ZNF831: variants seen among roughly 807,000 people sequenced by gnomAD.
ZNF831 encodes the protein zinc finger protein 831, also known as chromosome 20 open reading frame 174.
ZNF831 carries 59 observed loss-of-function variants against 95.8 expected under a neutral mutation model. The ratio of observed to expected loss-of-function variants is 0.62; its 90% CI spans 0.50 to 0.77. The LOEUF is 0.77. Ranked by LOEUF, ZNF831 falls within the 30% of genes least tolerant of loss-of-function variation. ZNF831 has a pLI of 0.00. For synonymous variants in ZNF831, 961 were observed against 925.5 expected (o/e 1.04, Z -0.70); for missense variants, 2,205 against 2,164.0 (o/e 1.02, Z -0.38).
At position 59,217,025 on chromosome 20, in the gene ZNF831, T is replaced by A. The variant is rs905192269; in HGVS notation, c.4027+9969T>A. On this transcript the variant is annotated intron_variant, in intron 4 of 5. Transcript: ENST00000371030. The surrounding 1 kb of genome is among the most constrained non-coding windows in gnomAD (Gnocchi z 4.4). ...AATTATTAGTTTTTAATTACACGTG[T>A]AATCATGAATAATACTTAACACATA... 6.6e-6 allele frequency among the ~76,000 whole-genome samples: 1 copy of A among 151,994 alleles called. No individual in the cohort carries two copies. The highest frequency in any genetic ancestry group is 1.5e-5 in the Non-Finnish European group (1 of 67,996).
chr20:59,205,730 G>A (rs1022795832), intron 3 of ZNF831, among the ~76,000 whole-genome samples: 2 of 152,148 alleles, frequency 1.3e-5, no homozygotes, highest in African/African-American at 2.4e-5. Flanking sequence ...TAAAGGGAAG[G>A]GATTACTTGT....
rs369340093 is a variant in ZNF831 at position 59,194,515 on chromosome 20, A to C, written c.3496A>C (p.Ser1166Arg). Residue 1166 changes from serine to arginine, a missense_variant, in exon 2 of 6, where the codon AGT (serine) becomes CGT (arginine). Transcript: ENST00000371030. ...SGTSRSHSTRSPHSTQNPFPS... is the reference protein window; with the variant it reads ...SGTSRSHSTRRPHSTQNPFPS... ...GACGTCCCGGAGCCACAGCACCCGC[A>C]GTCCCCACAGCACCCAAAACCCCTT... is the stretch of plus-strand genomic sequence containing the variant. 6.2e-7 allele frequency: 1 copy of C among 1,609,136 alleles called. No homozygotes were observed. The highest frequency in any genetic ancestry group is 1.1e-5 in the South Asian group (1 of 90,212).
At chr20:59,181,507 T>C (rs528939290) in intron 1 of ZNF831, among the ~76,000 whole-genome samples, 87 of 152,188 alleles carry the variant, frequency 5.7e-4, no homozygotes, top group Admixed American at 1.0e-3. Context: ...TGGTTTTGGG[T>C]TTTACATTTA....
At chr20:59,227,364 G>T (rs1210799653) in intron 4 of ZNF831, among the ~76,000 whole-genome samples, 1 of 152,178 alleles carries the variant, frequency 6.6e-6, no homozygotes, top group African/African-American at 2.4e-5. Context: ...AGACATATCT[G>T]CTCCTTAGTG....
rs550531914 is a variant in ZNF831 at position 59,253,145 on chromosome 20, A to C, written c.4188+7A>C. On this transcript the variant is annotated splice_region_variant and intron_variant, in intron 5 of 5. Transcript: ENST00000371030. ...GGACAAACGAACTGTGAAGGTGGGC[A>C]TGATGATTTTGAGCTGCCTCTACCT... 4.3e-6 allele frequency: 7 copies of C among 1,613,912 alleles called. No homozygotes were observed. In the South Asian group the frequency reaches 5.5e-5, roughly 13 times the overall value.
Position 59,194,182 on chromosome 20 carries a change from C to A in ZNF831, c.3163C>A (p.Pro1055Thr), listed in dbSNP as rs1415447605. ...PGAPREATSSPPTPTCEAHLV... is the reference protein window; with the variant it reads ...PGAPREATSSTPTPTCEAHLV... ...GGCTCCCAGGGAGGCTACCTCCTCC[C>A]CGCCCACTCCAACGTGTGAGGCACA... The change falls in exon 2 of 6, where the codon CCG becomes ACG. Residue 1055 changes from proline to threonine, a missense_variant. Coordinates refer to ENST00000371030, the MANE Select transcript of ZNF831 (RefSeq NM_178457.3). The A allele has an allele frequency of 6.3e-7, 1 of 1,599,840 alleles. No individual in the cohort carries two copies. Among genetic ancestry groups the A allele is most frequent in the Non-Finnish European group, 8.5e-7 (1 of 1,172,156 alleles).
In ZNF831 at chr20:59,191,473, G is replaced by A. The variant is rs1457503007; in HGVS notation, c.454G>A (p.Asp152Asn). Reference protein sequence around the residue: ...GKYLCPHCGRDCLKPSVLEKH... With the variant: ...GKYLCPHCGRNCLKPSVLEKH... ...GTACCTGTGTCCGCACTGTGGTCGCGACTGCCTGAAGCCCAGTGTTCTAGA... is the reference window on the plus strand; with the variant it reads ...GTACCTGTGTCCGCACTGTGGTCGCAACTGCCTGAAGCCCAGTGTTCTAGA... The change falls in exon 2 of 6, where the codon GAC becomes AAC. Residue 152 changes from aspartate to asparagine, a missense_variant. Asp to Asn is a conservative substitution (Grantham distance 23). Coordinates refer to ENST00000371030, the MANE Select transcript of ZNF831 (RefSeq NM_178457.3). 3.1e-6 allele frequency: 5 copies of A among 1,613,074 alleles called. No individual in the cohort carries two copies. Among genetic ancestry groups the A allele is most frequent in the Non-Finnish European group, 4.2e-6 (5 of 1,180,000 alleles).
intron 3 of ZNF831, among the ~76,000 whole-genome samples, chr20:59,196,701 C>G (rs1015778634): frequency 6.6e-6 from 1 of 152,210 alleles, no homozygotes; most frequent in South Asian, 2.1e-4. Context: ...AATCCACATT[C>G]TAATCCCAGA....
rs543757141 is a variant in ZNF831, at chr20:59,193,349, G to A, written c.2330G>A (p.Arg777Lys). 4 of 1,611,004 alleles carry A rather than the reference G, an allele frequency of 2.5e-6. No homozygotes were observed. The South Asian group carries it at 4.4e-5, about 18-fold the overall frequency. ...AAAGGGGGTGATGTAGAGGCTCCCA[G>A]GCCAGTTTGGCCGGACCCCAAGCTG... is the stretch of plus-strand genomic sequence containing the variant. ...PLKGGDVEAP[R>K]PVWPDPKLEG... Residue 777 changes from arginine (R) to lysine (K), a missense_variant, in exon 2 of 6, where the codon AGG (arginine) becomes AAG (lysine). By Grantham distance (26) the Arg-to-Lys change is conservative. Coordinates refer to ENST00000371030, the MANE Select transcript of ZNF831 (RefSeq NM_178457.3).
intron 1 of ZNF831, among the ~76,000 whole-genome samples, chr20:59,186,876 T>C (rs1384503874): frequency 6.6e-6 from 1 of 151,506 alleles, no homozygotes; most frequent in Non-Finnish European, 1.5e-5. Context: ...GTGGGTGCAA[T>C]GGTCTTCTGG....
In ZNF831 at chr20:59,193,093, C is replaced by G. The variant is rs772147005; in HGVS notation, c.2074C>G (p.Pro692Ala). ...CATATCCGCAGGGGCAACGCCAGAG[C>G]CTTGGGGAAATCCACCAGCCCTGGA... ...EDISAGATPE[P>A]WGNPPALEAS... Residue 692 changes from proline (P) to alanine (A), a missense_variant, in exon 2 of 6, where the codon CCT (proline) becomes GCT (alanine). Pro to Ala is a conservative substitution (Grantham distance 27). Coordinates refer to ENST00000371030, the MANE Select transcript of ZNF831 (RefSeq NM_178457.3). The G allele has an allele frequency of 6.3e-7, 1 of 1,599,288 alleles. No homozygotes were observed. The highest frequency in any genetic ancestry group is 8.5e-7 in the Non-Finnish European group (1 of 1,172,700).
At chr20:59,181,350 T>C (rs1182375598) in intron 1 of ZNF831, among the ~76,000 whole-genome samples, 1 of 152,228 alleles carries the variant, frequency 6.6e-6, no homozygotes, top group African/African-American at 2.4e-5. Context: ...ATAGCTTCTG[T>C]TGTTGTGCAG....
rs200010948 is a variant in ZNF831 at position 59,253,870 on chromosome 20, T to C, written c.4189-28T>C. On this transcript the variant is annotated intron_variant, in intron 5 of 5. Coordinates refer to ENST00000371030, the MANE Select transcript of ZNF831 (RefSeq NM_178457.3). Reference sequence around the variant, plus strand: ...TGTACCAATTAACCTCCCCCCCCACTTTTTTTTTCCTTTGCACTTTGTTGC... The same window carrying C: ...TGTACCAATTAACCTCCCCCCCCACCTTTTTTTTCCTTTGCACTTTGTTGC... The C allele has an allele frequency of 3.1e-3, 1,482 of 473,130 alleles. 25 individuals carry two copies. Among genetic ancestry groups the C allele is most frequent in the African/African-American group, 0.029 (430 of 14,640 alleles). 29.3% of individuals were successfully genotyped at this position (473,130 alleles called of 1,614,324 possible). A position where few individuals can be genotyped will look rare whatever the true frequency, so the allele number is the denominator to read the frequency against.
At chr20:59,225,016 G>A (rs2146683297) in intron 4 of ZNF831, among the ~76,000 whole-genome samples, 1 of 151,724 alleles carries the variant, frequency 6.6e-6, no homozygotes, top group Non-Finnish European at 1.5e-5. Context: ...TAACTGGTGG[G>A]GGAAAAGCTC....
chr20:59,188,842 A>G (rs918461608), intron 1 of ZNF831, among the ~76,000 whole-genome samples: 3 of 152,206 alleles, frequency 2.0e-5, no homozygotes, highest in South Asian at 2.1e-4. Context: ...TTTTGAAGTC[A>G]AATTTATTTT....
intron 4 of ZNF831, among the ~76,000 whole-genome samples, chr20:59,242,882 C>G (rs942418211): frequency 5.9e-5 from 9 of 152,168 alleles, no homozygotes; most frequent in Non-Finnish European, 1.3e-4. Flanking sequence ...CTGGTCACCT[C>G]AGACTCTCAA....
At chr20:59,171,523 CT>C (rs1981737316) in intron 1 of ZNF831, among the ~76,000 whole-genome samples, 1 of 152,318 alleles carries the variant, frequency 6.6e-6, no homozygotes, top group South Asian at 2.1e-4. Flanking sequence ...GAGGTTCTCA[CT>C]TGTTCGAAAT....
At chr20:59,150,849 T>C (rs891285378) in intron 2 of ZNF831, among the ~76,000 whole-genome samples, 16 of 152,360 alleles carry the variant, frequency 1.1e-4, no homozygotes, top group African/African-American at 3.8e-4. Flanking sequence ...CCTGTCTCTC[T>C]GCATAGTACT....
intron 2 of ZNF831, among the ~76,000 whole-genome samples, chr20:59,195,210 T>C (rs1301270902): frequency 1.3e-5 from 2 of 152,176 alleles, no homozygotes; most frequent in Non-Finnish European, 2.9e-5. Flanking sequence ...CAGCCCTCTC[T>C]CTGAGGTTCC....
Sources: allele counts gnomAD v4.1 joint callset (sites outside exome capture counted in the v4.1 genomes callset), GRCh38; gene constraint gnomAD v4.1.1; non-coding constraint Gnocchi (gnomAD v3.1); transcripts MANE v1.5; gene names NCBI Gene and HGNC (gene_info 2026-07-23, HGNC 2026-07-21).